PRKAG2: variants seen among roughly 807,000 people sequenced by gnomAD.
The protein encoded by PRKAG2 is 5'-AMP-activated protein kinase subunit gamma-2.
PRKAG2 carries 26 observed loss-of-function variants against 69.6 expected under a neutral mutation model. That is an observed-to-expected ratio of 0.37 (90% CI 0.27 to 0.52). The LOEUF (loss-of-function observed/expected upper bound fraction) is 0.52, where lower values mean the gene tolerates loss of function less well. PRKAG2 is among the 20% of genes least tolerant of loss of function. PRKAG2 has a pLI of 0.90. For synonymous variants in PRKAG2, 293 were observed against 285.0 expected (o/e 1.03, Z -0.28); for missense variants, 557 against 740.0 (o/e 0.75, Z 2.87).
intron 1 of PRKAG2, among the ~76,000 whole-genome samples, chr7:151,822,773 G>A (rs75013498): frequency 0.01 from 1,594 of 152,168 alleles, 23 homozygotes; most frequent in African/African-American, 0.035. Flanking sequence ...CCATGTGGAC[G>A]CCACCTGCAC....
At chr7:151,803,932 T>C (rs1479302227) in intron 1 of PRKAG2, among the ~76,000 whole-genome samples, 2 of 105,100 alleles carry the variant, frequency 1.9e-5, no homozygotes, top group Non-Finnish European at 3.6e-5. Context: ...TGCGAGACTA[T>C]GTCTCAAAAA....
chr7:151,819,387 G>C (rs545971689), intron 1 of PRKAG2, among the ~76,000 whole-genome samples: 1 of 152,266 alleles, frequency 6.6e-6, no homozygotes, highest in Non-Finnish European at 1.5e-5. Flanking sequence ...GTTGTCATAG[G>C]CCACCAGTCC....
rs1414098171 is a variant in PRKAG2, at chr7:151,568,767, A to G, written c.1182T>C (p.Asn394=). ...RLPVIDPISG[N]ALYILTHKRI... The stretch of plus-strand genomic sequence containing the variant: ...TTTTGTGGGTAAGTATATAAAGTGC[A>G]TTCCCACTGATAGGGTCAATAACGG... Residue 394 remains asparagine (N), a synonymous_variant, in exon 11 of 16, where the codon AAT becomes AAC. Coordinates refer to ENST00000287878, the MANE Select transcript of PRKAG2 (RefSeq NM_016203.4). 3 of 1,613,870 alleles carry G rather than the reference A, an allele frequency of 1.9e-6. No homozygotes were observed. The Admixed American group carries it at 5.0e-5, about 27-fold the overall frequency.
At chr7:151,703,020 G>A (rs1181608635) in intron 3 of PRKAG2, among the ~76,000 whole-genome samples, 1 of 152,188 alleles carries the variant, frequency 6.6e-6, no homozygotes, top group African/African-American at 2.4e-5. Flanking sequence ...CATCTCTCCA[G>A]GGACCCAGCC....
Position 151,699,828 on chromosome 7 carries a change from C to A in PRKAG2, c.467-24191G>T, listed in dbSNP as rs932311450. 6.6e-6 allele frequency among the ~76,000 whole-genome samples: 1 copy of A among 152,098 alleles called. No individual in the cohort carries two copies. Among genetic ancestry groups the A allele is most frequent in the Admixed American group, 6.5e-5 (1 of 15,272 alleles). On this transcript the variant is annotated intron_variant, in intron 3 of 15. Transcript: ENST00000287878. The surrounding 1 kb of genome is among the most constrained non-coding windows in gnomAD (Gnocchi z 4.5). The stretch of plus-strand genomic sequence containing the variant: ...CCTCAGAGGAGGCAGTGGGGAGGTT[C>A]TTGATATAGGCTGGTCTTTAAGAAG...
chr7:151,609,647 C>T (rs182603852), intron 5 of PRKAG2, among the ~76,000 whole-genome samples: 10 of 152,256 alleles, frequency 6.6e-5, no homozygotes, highest in Non-Finnish European at 7.4e-5. Context: ...AGGGAATAGA[C>T]GCCCCGAGAA....
At chr7:151,662,144 A>G (rs944544167) in intron 4 of PRKAG2, among the ~76,000 whole-genome samples, 1 of 152,238 alleles carries the variant, frequency 6.6e-6, no homozygotes, top group African/African-American at 2.4e-5. Flanking sequence ...CGGCTGTTAC[A>G]TAGGTAGAAA....
intron 4 of PRKAG2, among the ~76,000 whole-genome samples, chr7:151,670,695 GTAGA>G (rs1194760337): frequency 6.6e-6 from 1 of 152,174 alleles, no homozygotes; most frequent in Non-Finnish European, 1.5e-5. Context: ...TGTTCAATTA[GTAGA>G]TATTCACTGA....
chr7:151,872,575 T>C (rs1313388481), intron 1 of PRKAG2, among the ~76,000 whole-genome samples: 1 of 152,194 alleles, frequency 6.6e-6, no homozygotes, highest in Non-Finnish European at 1.5e-5. Context: ...ATCCCCACCC[T>C]GCTAGGGATC....
At chr7:151,680,476 T>G (rs762368507) in intron 3 of PRKAG2, among the ~76,000 whole-genome samples, 4 of 152,100 alleles carry the variant, frequency 2.6e-5, no homozygotes, top group African/African-American at 4.8e-5. Flanking sequence ...ATTTGTAGTT[T>G]TGAAAAAAGG....
chr7:151,680,749 C>T (rs571264930), intron 3 of PRKAG2, among the ~76,000 whole-genome samples: 21 of 152,204 alleles, frequency 1.4e-4, no homozygotes, highest in Non-Finnish European at 2.8e-4. Flanking sequence ...CCCTGCCTGC[C>T]CCGACGCGCC....
chr7:151,789,815 A>T (rs1360369388), intron 1 of PRKAG2, among the ~76,000 whole-genome samples: 1 of 152,180 alleles, frequency 6.6e-6, no homozygotes, highest in Non-Finnish European at 1.5e-5. Flanking sequence ...GTGCCTCCCA[A>T]GGAGGAGTCT....
At chr7:151,792,281 A>T (rs1451436747) in intron 1 of PRKAG2, among the ~76,000 whole-genome samples, 1 of 152,240 alleles carries the variant, frequency 6.6e-6, no homozygotes, top group Non-Finnish European at 1.5e-5. Flanking sequence ...AACTAAAAGT[A>T]ACTCAAGCTG....
intron 1 of PRKAG2, among the ~76,000 whole-genome samples, chr7:151,858,664 T>C (rs548567004): frequency 3.3e-5 from 5 of 152,310 alleles, no homozygotes; most frequent in Admixed American, 1.3e-4. Flanking sequence ...CCATTGCTGC[T>C]GGAAGAAGGG....
intron 4 of PRKAG2, among the ~76,000 whole-genome samples, chr7:151,637,723 T>TTA (rs759572303): frequency 5.9e-4 from 89 of 151,418 alleles, no homozygotes; most frequent in African/African-American, 2.1e-3. Context: ...TTTTTTTTTT[T>TTA]ATAACACACT....
At chr7:151,672,981 T>C (rs1832310407) in intron 4 of PRKAG2, among the ~76,000 whole-genome samples, 1 of 152,198 alleles carries the variant, frequency 6.6e-6, no homozygotes, top group Non-Finnish European at 1.5e-5. Flanking sequence ...GACCAAGGGC[T>C]GCGTGGTTGT....
intron 1 of PRKAG2, 114 bp from the exon 2 acceptor site, chr7:151,786,655 A>G (rs977798826): frequency 7.0e-6 from 6 of 861,990 alleles, no homozygotes; most frequent in Middle Eastern, 3.1e-4. Context: ...CTTCAAATCC[A>G]CCATGAAGAA....
intron 1 of PRKAG2, among the ~76,000 whole-genome samples, chr7:151,823,874 A>G (rs2078850276): frequency 6.6e-6 from 1 of 152,192 alleles, no homozygotes; most frequent in South Asian, 2.1e-4. Context: ...CCAATTAAGA[A>G]CTACTGAATC....
rs1189443255 is a variant in PRKAG2 at position 151,614,219 on chromosome 7, G to A, written c.754+17850C>T. ...CAGCTGTGTCTTGAAGGCAGGAAAAGGGATTCCAGGCAGAGGCCTGAGCCC... is the reference window on the plus strand; with the variant it reads ...CAGCTGTGTCTTGAAGGCAGGAAAAAGGATTCCAGGCAGAGGCCTGAGCCC... On this transcript the variant is annotated intron_variant, in intron 5 of 15. Transcript: ENST00000287878. The surrounding 1 kb of genome is among the most constrained non-coding windows in gnomAD (Gnocchi z 4.4). 1.3e-5 allele frequency among the ~76,000 whole-genome samples: 2 copies of A among 152,162 alleles called. No homozygotes were observed. Among genetic ancestry groups the A allele is most frequent in the African/African-American group, 4.8e-5 (2 of 41,450 alleles).
Sources: gnomAD v4.1 joint callset for allele counts (sites outside exome capture counted in the v4.1 genomes callset) on GRCh38, gnomAD v4.1.1 for gene constraint, Gnocchi (gnomAD v3.1) non-coding constraint, MANE v1.5 for transcripts, NCBI Gene and HGNC (gene_info 2026-07-23, HGNC 2026-07-21) for gene names.